The following GDAP1L1 variants were observed in gnomAD, a reference collection of about 807,000 sequenced individuals.
GDAP1L1 encodes ganglioside induced differentiation associated protein 1 like 1, also known as ganglioside-induced differentiation-associated protein 1-like 1.
In GDAP1L1, 21 loss-of-function variants were observed where a neutral mutation model predicts 37.1. The ratio of observed to expected loss-of-function variants is 0.57; its 90% confidence interval spans 0.40 to 0.81. The LOEUF is 0.81. Ranked by LOEUF, GDAP1L1 falls within the 40% of genes least tolerant of loss-of-function variation. GDAP1L1 has a pLI of 0.00. For missense variants in GDAP1L1, 362 were observed against 491.6 expected (o/e 0.74, Z 2.49); for synonymous variants, 193 against 209.1 (o/e 0.92, Z 0.67).
At chr20:44,259,468 C>A (rs1163417679) in intron 3 of GDAP1L1, among the ~76,000 whole-genome samples, 1 of 151,472 alleles carries the variant, frequency 6.6e-6, no homozygotes, top group Non-Finnish European at 1.5e-5. Context: ...CCTTGAGAAC[C>A]ATTGTCATTG....
intron 1 of GDAP1L1, 107 bp downstream of exon 1, chr20:44,247,621 T>G: frequency 9.5e-7 from 1 of 1,053,998 alleles, no homozygotes; most frequent in Non-Finnish European, 1.3e-6. Context: ...GGGGGGAACC[T>G]GGGGTTTGGG....
At chr20:44,252,251 C>G (rs1449641041) in intron 1 of GDAP1L1, among the ~76,000 whole-genome samples, 1 of 152,338 alleles carries the variant, frequency 6.6e-6, no homozygotes, top group East Asian at 1.9e-4. Flanking sequence ...GTGGCTCACA[C>G]CTGTAATCCC....
At chr20:44,251,814 T>C (rs2073448402) in intron 1 of GDAP1L1, among the ~76,000 whole-genome samples, 1 of 151,956 alleles carries the variant, frequency 6.6e-6, no homozygotes, top group Non-Finnish European at 1.5e-5. Context: ...TTTAATTGAA[T>C]AAAATAAAAT....
At chr20:44,264,375 C>T in intron 4 of GDAP1L1, 70 bp from the exon 5 acceptor site, 1 of 1,384,692 alleles carries the variant, frequency 7.2e-7, no homozygotes, top group Non-Finnish European at 9.3e-7. Flanking sequence ...CAGCAAAGCT[C>T]CTTCCATCCC....
chr20:44,272,461 G>A (rs1009136610), intron 5 of GDAP1L1, among the ~76,000 whole-genome samples: 38 of 152,140 alleles, frequency 2.5e-4, no homozygotes, highest in African/African-American at 8.9e-4. Context: ...TCTCCACAGG[G>A]AGCAGGAAGC....
chr20:44,265,736 A>G (rs2073751546), intron 5 of GDAP1L1, among the ~76,000 whole-genome samples: 1 of 152,188 alleles, frequency 6.6e-6, no homozygotes, highest in Admixed American at 6.5e-5. Context: ...ATGGCAGCTA[A>G]AGGGACACAC....
At chr20:44,271,922 C>T (rs2062520292) in intron 5 of GDAP1L1, among the ~76,000 whole-genome samples, 1 of 152,146 alleles carries the variant, frequency 6.6e-6, no homozygotes, top group African/African-American at 2.4e-5. Flanking sequence ...GAGGAGTACC[C>T]CAGGCCTGAA....
chr20:44,260,129 T>C (rs774358210), intron 3 of GDAP1L1, among the ~76,000 whole-genome samples: 1 of 152,142 alleles, frequency 6.6e-6, no homozygotes, highest in Admixed American at 6.6e-5. Context: ...AGAGCAAGAA[T>C]ATCGCTGGAA....
At chr20:44,273,510 G>C (rs1165803749) in intron 5 of GDAP1L1, among the ~76,000 whole-genome samples, 2 of 152,152 alleles carry the variant, frequency 1.3e-5, no homozygotes, top group Non-Finnish European at 2.9e-5. Flanking sequence ...TGATTCCCTG[G>C]TTCATCATTA....
intron 3 of GDAP1L1, among the ~76,000 whole-genome samples, chr20:44,262,925 G>A (rs555871376): frequency 6.6e-6 from 1 of 151,814 alleles, no homozygotes; most frequent in Non-Finnish European, 1.5e-5. Context: ...GCCCAAGCTG[G>A]TCTTGAACTC....
At chr20:44,260,724 G>A (rs1366995010) in intron 3 of GDAP1L1, among the ~76,000 whole-genome samples, 1 of 152,128 alleles carries the variant, frequency 6.6e-6, no homozygotes, top group African/African-American at 2.4e-5. Flanking sequence ...GAGTAGGACA[G>A]GGTGTATTGT....
upstream of GDAP1L1, chr20:44,247,300 G>A (rs1460772186): frequency 2.5e-6 from 4 of 1,609,588 alleles, no homozygotes; most frequent in Non-Finnish European, 2.5e-6. Flanking sequence ...CCGCGCCGGA[G>A]CCTCCTTCTT....
At chr20:44,268,340 T>C (rs1195090714) in intron 5 of GDAP1L1, among the ~76,000 whole-genome samples, 1 of 152,218 alleles carries the variant, frequency 6.6e-6, no homozygotes, top group Non-Finnish European at 1.5e-5. Context: ...ATAGTAAATG[T>C]TGAGTATTTT....
intron 5 of GDAP1L1, among the ~76,000 whole-genome samples, chr20:44,275,814 C>T (rs893202879): frequency 6.6e-6 from 1 of 152,118 alleles, no homozygotes; most frequent in Non-Finnish European, 1.5e-5. Context: ...ATTGCACAAA[C>T]AAGTGTTTTC....
At chr20:44,265,619 T>C (rs2073749789) in intron 5 of GDAP1L1, 1 of 422,042 alleles carries the variant, frequency 2.4e-6, no homozygotes. Flanking sequence ...AGTTTCCTCA[T>C]CTATAAGATG....
In GDAP1L1 at chr20:44,254,720, C is replaced by A. The variant is rs1011526916; in HGVS notation, c.181-2433C>A. Among the ~76,000 whole-genome samples, 9 of 152,338 alleles carry A rather than the reference C, an allele frequency of 5.9e-5. 1 individual carries two copies. Reference sequence around the variant, plus strand: ...GTCTCTACCTGCACCATGCGCCCCACCTATAGGACCTGCTCTTGGCTAATG... The same window carrying A: ...GTCTCTACCTGCACCATGCGCCCCAACTATAGGACCTGCTCTTGGCTAATG... On this transcript the variant is annotated intron_variant, in intron 1 of 5. Transcript: ENST00000342560.
chr20:44,247,606 C>A, intron 1 of GDAP1L1, 92 bp downstream of exon 1: 1 of 1,229,954 alleles, frequency 8.1e-7, no homozygotes, highest in Non-Finnish European at 1.1e-6. Context: ...CGGCGAAAGA[C>A]TGGAGGGGGG....
chr20:44,249,357 A>C lies in GDAP1L1; in HGVS notation c.180+1843A>C, dbSNP rs768549741. Among the ~76,000 whole-genome samples, 14 of 152,294 alleles carry C rather than the reference A, an allele frequency of 9.2e-5. 1 individual carries two copies. Among genetic ancestry groups the C allele is most frequent in the African/African-American group, 3.4e-4 (14 of 41,574 alleles). Reference sequence around the variant, plus strand: ...GCGGCCGTTATGATGTTATTAAGGCACTAGGTAAAGGAGGGGCCAGAGTTA... The same window carrying C: ...GCGGCCGTTATGATGTTATTAAGGCCCTAGGTAAAGGAGGGGCCAGAGTTA... On this transcript the variant is annotated intron_variant, in intron 1 of 5. Coordinates refer to ENST00000342560, the MANE Select transcript of GDAP1L1 (RefSeq NM_024034.6).
At chr20:44,247,654 A>C in intron 1 of GDAP1L1, 140 bp downstream of exon 1, 1 of 773,070 alleles carries the variant, frequency 1.3e-6, no homozygotes, top group Non-Finnish European at 2.0e-6. Context: ...CGGGGGACGC[A>C]AGGGTTCCTT....
Sources: allele counts gnomAD v4.1 joint callset (sites outside exome capture counted in the v4.1 genomes callset), GRCh38; gene constraint gnomAD v4.1.1; transcripts MANE v1.5; gene names NCBI Gene and HGNC (gene_info 2026-07-23, HGNC 2026-07-21).